The following SIL1 variants were observed in gnomAD, a reference collection of about 807,000 sequenced individuals.
SIL1 encodes the protein nucleotide exchange factor SIL1.
SIL1 carries 40 observed loss-of-function variants against 49.1 expected under a neutral mutation model. That is an observed-to-expected ratio of 0.81 (90% confidence interval 0.63 to 1.06). The LOEUF is 1.06. Ranked by LOEUF, SIL1 falls within the 50% of genes least tolerant of loss-of-function variation. SIL1 has a pLI of 0.00. For synonymous variants in SIL1, 253 were observed against 250.8 expected (o/e 1.01, Z -0.08); for missense variants, 500 against 572.6 (o/e 0.87, Z 1.29).
At chr5:139,070,630 C>A (rs1218345098) in intron 3 of SIL1, among the ~76,000 whole-genome samples, 17 of 152,116 alleles carry the variant, frequency 1.1e-4, no homozygotes, top group Non-Finnish European at 7.4e-5. Context: ...GAAAAGAACT[C>A]ATTTGAAAAC....
At chr5:139,021,381 C>T in intron 6 of SIL1, 89 bp from the exon 7 acceptor site, 1 of 1,554,310 alleles carries the variant, frequency 6.4e-7, no homozygotes, top group Admixed American at 1.9e-5. Flanking sequence ...TACCCAAAAA[C>T]AAATTAAAAA....
chr5:139,097,259 A>G (rs1004255011), intron 3 of SIL1, among the ~76,000 whole-genome samples: 2 of 151,994 alleles, frequency 1.3e-5, no homozygotes, highest in Non-Finnish European at 2.9e-5. Flanking sequence ...ATGATGTCCC[A>G]CATAGCACCT....
intron 1 of SIL1, chr5:139,131,694 G>GA (rs1292204232): frequency 6.6e-6 from 1 of 152,160 alleles, no homozygotes; most frequent in East Asian, 1.9e-4. Flanking sequence ...CACACTGAAA[G>GA]ACAGGGATTG....
intron 1 of SIL1, among the ~76,000 whole-genome samples, chr5:139,134,401 G>A (rs1750931321): frequency 6.6e-6 from 1 of 152,154 alleles, no homozygotes; most frequent in Non-Finnish European, 1.5e-5. Flanking sequence ...CTCCCAAAGT[G>A]TTGGGATTAC....
chr5:139,143,366 T>TATATATATATATATA (rs1751131059), intron 1 of SIL1, among the ~76,000 whole-genome samples: 1 of 145,828 alleles, frequency 6.9e-6, no homozygotes, highest in African/African-American at 2.6e-5. Flanking sequence ...TATATATATA[T>TATATATATATATATA]GGTTTTTTGT....
At chr5:138,960,942 T>C (rs1374636781) in intron 7 of SIL1, among the ~76,000 whole-genome samples, 1 of 152,204 alleles carries the variant, frequency 6.6e-6, no homozygotes, top group Non-Finnish European at 1.5e-5. Flanking sequence ...TCTGGGGTAC[T>C]GATAATGTTA....
At chr5:138,999,597 G>A (rs1209393271) in intron 7 of SIL1, among the ~76,000 whole-genome samples, 1 of 152,148 alleles carries the variant, frequency 6.6e-6, no homozygotes, top group African/African-American at 2.4e-5. Flanking sequence ...GGTTATATAG[G>A]GAGCTATGAC....
intron 3 of SIL1, among the ~76,000 whole-genome samples, chr5:139,066,567 A>C (rs916372803): frequency 6.6e-6 from 1 of 152,012 alleles, no homozygotes; most frequent in African/African-American, 2.4e-5. Flanking sequence ...TTTTCTAATG[A>C]CACTTCCTCT....
chr5:139,116,220 C>T (rs916321548), intron 3 of SIL1, among the ~76,000 whole-genome samples: 3 of 152,230 alleles, frequency 2.0e-5, no homozygotes, highest in Non-Finnish European at 4.4e-5. Flanking sequence ...TCTTATTGCT[C>T]GTGCAGATCT....
At chr5:139,011,745 AT>A in intron 7 of SIL1, among the ~76,000 whole-genome samples, 1 of 152,196 alleles carries the variant, frequency 6.6e-6, no homozygotes, top group East Asian at 1.9e-4. Flanking sequence ...TCATAGGAAG[AT>A]TTTTGTTTGT....
At chr5:139,080,682 T>A (rs1056896592) in intron 3 of SIL1, among the ~76,000 whole-genome samples, 1 of 152,182 alleles carries the variant, frequency 6.6e-6, no homozygotes, top group Non-Finnish European at 1.5e-5. Context: ...TTAATCTCTA[T>A]GATAAAAATG....
At chr5:139,135,255 T>C (rs1581125620) in intron 1 of SIL1, among the ~76,000 whole-genome samples, 1 of 152,104 alleles carries the variant, frequency 6.6e-6, no homozygotes, top group East Asian at 1.9e-4. Context: ...ATTTGTACAA[T>C]GGGGATAATA....
chr5:139,013,002 T>C (rs1363536403), intron 7 of SIL1, among the ~76,000 whole-genome samples: 1 of 152,238 alleles, frequency 6.6e-6, no homozygotes. Flanking sequence ...TTGGCTGATA[T>C]TCATCTTAAA....
At chr5:139,086,975 ATAAT>A (rs1287881466) in intron 3 of SIL1, among the ~76,000 whole-genome samples, 1 of 151,512 alleles carries the variant, frequency 6.6e-6, no homozygotes, top group Admixed American at 6.6e-5. Flanking sequence ...GATAATAATA[ATAAT>A]TAATTATATT....
intron 7 of SIL1, among the ~76,000 whole-genome samples, chr5:138,974,521 T>A (rs529655208): frequency 6.6e-6 from 1 of 152,196 alleles, no homozygotes; most frequent in South Asian, 2.1e-4. Context: ...CTCAGCTGAT[T>A]TGGGAAGCCA....
intron 1 of SIL1, among the ~76,000 whole-genome samples, chr5:139,155,807 G>A (rs912710810): frequency 1.3e-5 from 2 of 151,968 alleles, no homozygotes; most frequent in Non-Finnish European, 2.9e-5. Context: ...GCCAAGGCAG[G>A]CATGAGGGGG....
At chr5:139,138,762 A>C (rs547437036) in intron 1 of SIL1, among the ~76,000 whole-genome samples, 1 of 152,142 alleles carries the variant, frequency 6.6e-6, no homozygotes, top group South Asian at 2.1e-4. Context: ...TCTCACTACT[A>C]TTATTAGAGA....
chr5:139,073,262 A>C lies in SIL1; in HGVS notation c.245-22216T>G, dbSNP rs150882036. Among the ~76,000 whole-genome samples the C allele has an allele frequency of 3.7e-3, 565 of 152,350 alleles. 1 individual carries two copies. The highest frequency in any genetic ancestry group is 0.013 in the African/African-American group (540 of 41,580). ...TAGAGACGTCTGCACTCCCATGTTT[A>C]CTACGTTATTCACAATAGCCAAGAC... On this transcript the variant is annotated intron_variant, in intron 3 of 9. Transcript: ENST00000394817.
chr5:139,100,986 C>T (rs1323008235), intron 3 of SIL1, among the ~76,000 whole-genome samples: 1 of 151,964 alleles, frequency 6.6e-6, no homozygotes, highest in Non-Finnish European at 1.5e-5. Flanking sequence ...CTAGATGAGT[C>T]ACCAACGCCT....
Sources: gnomAD v4.1 joint callset for allele counts (sites outside exome capture counted in the v4.1 genomes callset) on GRCh38, gnomAD v4.1.1 for gene constraint, MANE v1.5 for transcripts, NCBI Gene and HGNC (gene_info 2026-07-23, HGNC 2026-07-21) for gene names.